BMPR2: variants seen among roughly 807,000 people sequenced by gnomAD.
BMPR2 encodes the protein bone morphogenetic protein receptor type 2.
BMPR2 carries 29 observed loss-of-function variants against 100.8 expected under a neutral mutation model. That is an observed-to-expected ratio of 0.29 (90% CI 0.21 to 0.39). The LOEUF (loss-of-function observed/expected upper bound fraction) is 0.39, where lower values mean the gene tolerates loss of function less well. Ranked by LOEUF, BMPR2 falls within the 10% of genes least tolerant of loss-of-function variation. BMPR2 has a pLI of 1.00. For missense variants in BMPR2, 1,011 were observed against 1,274.5 expected, an observed-to-expected ratio of 0.79 and a Z score of 3.15; for synonymous variants, 382 against 442.3, an observed-to-expected ratio of 0.86 and a Z score of 1.71.
chr2:202,518,596 T>C (rs1687760194), intron 5 of BMPR2, among the ~76,000 whole-genome samples: 1 of 152,218 alleles, frequency 6.6e-6, no homozygotes, highest in Non-Finnish European at 1.5e-5. Flanking sequence ...ATCTTTCTTT[T>C]TTTTAAATTT....
At chr2:202,531,541 T>C (rs932859875) in intron 8 of BMPR2, among the ~76,000 whole-genome samples, 6 of 152,224 alleles carry the variant, frequency 3.9e-5, no homozygotes, top group African/African-American at 1.4e-4. Flanking sequence ...ACCATTACAG[T>C]GTGGAACGTA....
chr2:202,564,651 T>C lies in BMPR2; in HGVS notation c.*4705T>C, dbSNP rs1407852849. 3 of 152,218 alleles carry C rather than the reference T, an allele frequency of 2.0e-5. No individual in the cohort carries two copies. The highest frequency in any genetic ancestry group is 4.4e-5 in the Non-Finnish European group (3 of 68,026). 9.4% of individuals were successfully genotyped at this position (152,218 alleles called of 1,614,324 possible). On this transcript the variant is annotated 3_prime_UTR_variant, in exon 13 of 13. Transcript: ENST00000374580. ...ACTGTTTGAGCTAGTTACATAAAAT[T>C]TGTTATCAAGAGAAGGCTTTTCTAC...
At chr2:202,386,575 C>CT (rs1690430280) in intron 1 of BMPR2, among the ~76,000 whole-genome samples, 1 of 152,126 alleles carries the variant, frequency 6.6e-6, no homozygotes, top group African/African-American at 2.4e-5. Flanking sequence ...CTAAAAGCCA[C>CT]TATCTTCTCT....
intron 11 of BMPR2, among the ~76,000 whole-genome samples, chr2:202,555,037 C>T (rs1213123115): frequency 2.6e-5 from 4 of 152,166 alleles, no homozygotes; most frequent in African/African-American, 9.7e-5. Context: ...CATCCACATA[C>T]ATTTTTCAGT....
chr2:202,429,748 C>T (rs1691467882), intron 1 of BMPR2, among the ~76,000 whole-genome samples: 1 of 152,128 alleles, frequency 6.6e-6, no homozygotes, highest in African/African-American at 2.4e-5. Context: ...GAAGGGGAAG[C>T]AGGTGCCTTC....
At chr2:202,526,854 G>C (rs1413269563) in intron 7 of BMPR2, among the ~76,000 whole-genome samples, 3 of 152,088 alleles carry the variant, frequency 2.0e-5, no homozygotes, top group Non-Finnish European at 2.9e-5. Flanking sequence ...AAATATAGTA[G>C]CTATTTGAAT....
At chr2:202,557,012 A>C (rs150260040) in intron 12 of BMPR2, among the ~76,000 whole-genome samples, 1 of 151,084 alleles carries the variant, frequency 6.6e-6, no homozygotes, top group Non-Finnish European at 1.5e-5. Flanking sequence ...AAAAAAGTGA[A>C]ACTCCATCTC....
chr2:202,410,812 A>G (rs917410293), intron 1 of BMPR2, among the ~76,000 whole-genome samples: 7 of 151,596 alleles, frequency 4.6e-5, no homozygotes, highest in African/African-American at 1.5e-4. Flanking sequence ...ATCTCCTGAC[A>G]TCGTAATCCG....
chr2:202,464,985 T>A lies in BMPR2; in HGVS notation c.247+6T>A. On this transcript the variant is annotated splice_donor_region_variant and intron_variant, in intron 2 of 12. Coordinates refer to ENST00000374580, the MANE Select transcript of BMPR2 (RefSeq NM_001204.7). ...CATAAATCTTGTAAAACAAGGCAAG[T>A]GATACTTTCCTTACCTGAAATGACT... 1 of 1,613,972 alleles carries A rather than the reference T, an allele frequency of 6.2e-7. No individual in the cohort carries two copies. The highest frequency in any genetic ancestry group is 8.5e-7 in the Non-Finnish European group (1 of 1,179,908).
intron 1 of BMPR2, among the ~76,000 whole-genome samples, chr2:202,414,446 G>A (rs531418463): frequency 2.1e-4 from 32 of 152,276 alleles, no homozygotes; most frequent in African/African-American, 7.2e-4. Flanking sequence ...AGAGTTGCAC[G>A]TTTTTCACTT....
intron 9 of BMPR2, among the ~76,000 whole-genome samples, 171 bp from the exon 10 acceptor site, chr2:202,542,140 A>G (rs1272018886): frequency 6.6e-6 from 1 of 151,968 alleles, no homozygotes; most frequent in East Asian, 1.9e-4. Context: ...AAATCATTAA[A>G]CCTACAGCAA....
chr2:202,536,302 C>T (rs1445492284), intron 9 of BMPR2, among the ~76,000 whole-genome samples: 1 of 151,880 alleles, frequency 6.6e-6, no homozygotes, highest in African/African-American at 2.4e-5. Context: ...TTTGTAGAGA[C>T]AAGGTTTCAC....
At chr2:202,504,778 C>T (rs1307183113) in intron 3 of BMPR2, among the ~76,000 whole-genome samples, 1 of 146,678 alleles carries the variant, frequency 6.8e-6, no homozygotes, top group Non-Finnish European at 1.5e-5. Context: ...CCTTCGAGTT[C>T]AAGCGATTCT....
rs1230534827 is a variant in BMPR2, at chr2:202,566,446, C to A, written c.*6500C>A. 2.6e-5 allele frequency: 4 copies of A among 152,536 alleles called. No homozygotes were observed. The highest frequency in any genetic ancestry group is 9.7e-5 in the African/African-American group (4 of 41,430). 9.4% of individuals were successfully genotyped at this position (152,536 alleles called of 1,614,324 possible). A position where few individuals can be genotyped will look rare whatever the true frequency, so the allele number is the denominator to read the frequency against. ...ATTTCATTAATTATAAAAAGTTGCC[C>A]AGTTCTGTAATTACTGAACAGAGGG... On this transcript the variant is annotated 3_prime_UTR_variant, in exon 13 of 13. Coordinates refer to ENST00000374580, the MANE Select transcript of BMPR2 (RefSeq NM_001204.7).
intron 1 of BMPR2, among the ~76,000 whole-genome samples, chr2:202,427,939 A>T (rs1691424239): frequency 6.6e-6 from 1 of 152,176 alleles, no homozygotes; most frequent in Non-Finnish European, 1.5e-5. Flanking sequence ...AGATCATGCC[A>T]GTGTGCTCCA....
intron 1 of BMPR2, among the ~76,000 whole-genome samples, chr2:202,396,991 T>C (rs1690669433): frequency 6.6e-6 from 1 of 152,040 alleles, no homozygotes; most frequent in Non-Finnish European, 1.5e-5. Flanking sequence ...GAGTCGGGGT[T>C]TCTCCATGTT....
chr2:202,530,673 T>G (rs1688005941), intron 7 of BMPR2, 121 bp from the exon 8 acceptor site: 2 of 859,700 alleles, frequency 2.3e-6, no homozygotes, highest in Non-Finnish European at 3.5e-6. Context: ...CGATTTCTCT[T>G]TTTTTGTTAT....
At chr2:202,552,661 T>C in intron 10 of BMPR2, 55 bp from the exon 11 acceptor site, 1 of 1,587,686 alleles carries the variant, frequency 6.3e-7, no homozygotes, top group Non-Finnish European at 8.6e-7. Flanking sequence ...ACTGAAAAGC[T>C]CAATACATTT....
intron 3 of BMPR2, among the ~76,000 whole-genome samples, chr2:202,487,055 AT>A (rs1692793001): frequency 6.6e-6 from 1 of 151,352 alleles, no homozygotes; most frequent in Non-Finnish European, 1.5e-5. Flanking sequence ...TGATTTCCCC[AT>A]TTTTATTAAT....
Sources: gnomAD v4.1 joint callset for allele counts (sites outside exome capture counted in the v4.1 genomes callset) on GRCh38, gnomAD v4.1.1 for gene constraint, MANE v1.5 for transcripts, NCBI Gene and HGNC (gene_info 2026-07-23, HGNC 2026-07-21) for gene names.